Variants in KRT80 observed in about 807,000 individuals in gnomAD.
The protein encoded by KRT80 is keratin, type II cytoskeletal 80.
In KRT80, 36 loss-of-function variants were observed where a neutral mutation model predicts 51.5. The ratio of observed to expected loss-of-function variants is 0.70; its 90% CI spans 0.54 to 0.92. The LOEUF is 0.92. Among genes scored for constraint, KRT80 ranks in the 40% least tolerant of loss-of-function variants. KRT80 has a pLI of 0.00. For synonymous variants in KRT80, 235 were observed against 248.3 expected, an observed-to-expected ratio of 0.95 and a Z score of 0.50; for missense variants, 566 against 591.7, an observed-to-expected ratio of 0.96 and a Z score of 0.45.
intron 4 of KRT80, among the ~76,000 whole-genome samples, 158 bp from the exon 5 acceptor site, chr12:52,173,922 C>T (rs897290566): frequency 2.6e-5 from 4 of 152,348 alleles, no homozygotes; most frequent in Non-Finnish European, 4.4e-5. Context: ...CTCCCTGCCA[C>T]GTCTCCCCAG....
intron 4 of KRT80, among the ~76,000 whole-genome samples, chr12:52,178,025 G>A (rs541682025): frequency 3.3e-5 from 5 of 152,086 alleles, no homozygotes; most frequent in Admixed American, 1.3e-4. Context: ...TCTATCAGAC[G>A]GCACTGACTT....
Position 52,185,233 on chromosome 12 carries a change from A to C in KRT80, c.509+146T>G. ...CTCAGTATTTAGAATACTGCCTGGC[A>C]CATACCAGTCCCTCAATAAATGTCT... On this transcript the variant is annotated intron_variant, in intron 2 of 8. Transcript: ENST00000394815. 1.0e-5 allele frequency: 8 copies of C among 793,868 alleles called. No individual in the cohort carries two copies. In the South Asian group the frequency reaches 1.4e-4, roughly 14 times the overall value. The allele number at this position is 793,868 out of a possible 1,614,324, so 49.2% of individuals were successfully genotyped here. A position where few individuals can be genotyped will look rare whatever the true frequency, so the allele number is the denominator to read the frequency against.
chr12:52,172,159 C>T, intron 7 of KRT80, 39 bp downstream of exon 7: 1 of 1,606,428 alleles, frequency 6.2e-7, no homozygotes. Flanking sequence ...TCCAGCCCTC[C>T]TTCCCCTGCA....
At chr12:52,190,623 C>T (rs902631988) in intron 1 of KRT80, among the ~76,000 whole-genome samples, 1 of 152,200 alleles carries the variant, frequency 6.6e-6, no homozygotes, top group East Asian at 1.9e-4. Flanking sequence ...GTACAGTTTT[C>T]CTTATCTGTG....
chr12:52,176,462 C>T (rs1334800261), intron 4 of KRT80, among the ~76,000 whole-genome samples: 1 of 151,468 alleles, frequency 6.6e-6, no homozygotes, highest in African/African-American at 2.4e-5. Flanking sequence ...CACTGAATGC[C>T]ATCACTTCTT....
chr12:52,190,202 T>G (rs747844078), intron 1 of KRT80, among the ~76,000 whole-genome samples: 8 of 152,110 alleles, frequency 5.3e-5, no homozygotes, highest in Non-Finnish European at 1.0e-4. Context: ...TCTAGGCACA[T>G]GAATGGAAGA....
At position 52,191,825 on chromosome 12, in the gene KRT80, AGGCCGGG is replaced by A. The variant is rs749338122; in HGVS notation, c.71_77del (p.Pro24LeufsTer33). ...TGCAGCTGTCCCATCCTGAGGTTCC[AGGCCGGG>A]GGCTGCCCACCGGGGTCACCTCACA... On this transcript the variant is annotated frameshift_variant, in exon 1 of 9. Transcript: ENST00000394815. LOFTEE classifies it high-confidence loss of function. The A allele has an allele frequency of 1.9e-6, 3 of 1,593,406 alleles. No homozygotes were observed. In the African/African-American group the frequency reaches 4.0e-5, roughly 21 times the overall value.
chr12:52,180,085 G>T (rs1407588649), intron 4 of KRT80, among the ~76,000 whole-genome samples: 2 of 152,200 alleles, frequency 1.3e-5, no homozygotes, highest in Non-Finnish European at 2.9e-5. Flanking sequence ...GGAAAGGCAG[G>T]CCTATCAGAA....
rs1941164830 is a variant in KRT80 at position 52,173,737 on chromosome 12, T to C, written c.694A>G (p.Lys232Glu). The change falls in exon 5 of 9, where the codon AAG (lysine) becomes GAG (glutamate). Residue 232 changes from lysine (K) to glutamate (E), a missense_variant. By Grantham distance (56) the Lys-to-Glu change is moderately conservative. Transcript: ENST00000394815. Reference protein sequence around the residue: ...QELKDLAAQVKDVSVTVGMDS... With the variant: ...QELKDLAAQVEDVSVTVGMDS... ...ATGCCGACGGTCACCGACACATCCT[T>C]CACCTGTGCTGCCAGGTCCTTCAGC... 1 of 1,611,898 alleles carries C rather than the reference T, an allele frequency of 6.2e-7. No individual in the cohort carries two copies. The highest frequency in any genetic ancestry group is 1.3e-5 in the African/African-American group (1 of 75,050).
At chr12:52,190,166 C>G (rs1407652213) in intron 1 of KRT80, among the ~76,000 whole-genome samples, 2 of 152,248 alleles carry the variant, frequency 1.3e-5, no homozygotes, top group Admixed American at 1.3e-4. Flanking sequence ...CCAGGGGTAC[C>G]CCAGGTGTGG....
rs983672711 is a variant in KRT80 at position 52,170,555 on chromosome 12, T to G, written c.*843A>C. Reference sequence around the variant, plus strand: ...GCACAGAGCTCAGATCCAGGCTGGGTAGGACCCCAGCATGGCAGGGAGGTG... The same window carrying G: ...GCACAGAGCTCAGATCCAGGCTGGGGAGGACCCCAGCATGGCAGGGAGGTG... On this transcript the variant is annotated 3_prime_UTR_variant, in exon 9 of 9. Coordinates refer to ENST00000394815, the MANE Select transcript of KRT80 (RefSeq NM_182507.3). The G allele has an allele frequency of 6.6e-6, 1 of 152,038 alleles. No individual in the cohort carries two copies. The highest frequency in any genetic ancestry group is 1.5e-5 in the Non-Finnish European group (1 of 68,010). 9.4% of individuals were successfully genotyped at this position (152,038 alleles called of 1,614,324 possible).
intron 4 of KRT80, among the ~76,000 whole-genome samples, chr12:52,174,665 A>G (rs1311287655): frequency 1.3e-5 from 2 of 152,226 alleles, no homozygotes; most frequent in African/African-American, 4.8e-5. Flanking sequence ...TGTTGTGGAG[A>G]CAGCGGTGAG....
chr12:52,172,563 G>A, intron 6 of KRT80, 145 bp from the exon 7 acceptor site: 1 of 722,158 alleles, frequency 1.4e-6, no homozygotes, highest in Non-Finnish European at 2.2e-6. Context: ...GTAACTGGTT[G>A]CCATGCAGCA....
At chr12:52,180,719 T>A (rs1941304750) in intron 3 of KRT80, 111 bp from the exon 4 acceptor site, 1 of 1,603,016 alleles carries the variant, frequency 6.2e-7, no homozygotes, top group South Asian at 1.1e-5. Flanking sequence ...CCAGAGGAGA[T>A]CTGGCTCAGA....
At position 52,191,772 on chromosome 12, in the gene KRT80, CGG is replaced by C; in HGVS notation, c.129_130del (p.Arg44GlnfsTer48). 1 of 1,612,358 alleles carries C rather than the reference CGG, an allele frequency of 6.2e-7. No individual in the cohort carries two copies. Among genetic ancestry groups the C allele is most frequent in the Non-Finnish European group, 8.5e-7 (1 of 1,179,400 alleles). On this transcript the variant is annotated frameshift_variant, in exon 1 of 9. Coordinates refer to ENST00000394815, the MANE Select transcript of KRT80 (RefSeq NM_182507.3). LOFTEE classifies it high-confidence loss of function. ...AGCCGACCAGCAGCCTGTGAGGCTG[CGG>C]GAGCTGAAGCCCGGCCCGGGGGCCC...
In KRT80 at chr12:52,191,868, C is replaced by T. The variant is rs1192655254; in HGVS notation, c.35G>A (p.Ser12Asn). The T allele has an allele frequency of 4.0e-6, 6 of 1,518,804 alleles. 1 individual carries two copies. The highest frequency in any genetic ancestry group is 3.5e-6 in the Non-Finnish European group (4 of 1,129,296). The allele number at this position is 1,518,804 out of a possible 1,614,324, so 94.1% of individuals were successfully genotyped here. A position where few individuals can be genotyped will look rare whatever the true frequency, so the allele number is the denominator to read the frequency against. The change falls in exon 1 of 9, where the codon AGC (serine) becomes AAC (asparagine). Residue 12 changes from serine (S) to asparagine (N), a missense_variant. Ser to Asn is a conservative substitution (Grantham distance 46, BLOSUM62 1). Transcript: ENST00000394815. The stretch of plus-strand genomic sequence containing the variant: ...CGGGGTCACCTCACAGCTGCTGAGG[C>T]TGCTGAAGCCAACCACGCAGGAGCG... ...ACRSCVVGFS[S>N]LSSCEVTPVG... is the part of the protein sequence containing the mutation.
chr12:52,173,948 G>A (rs1941170449), intron 4 of KRT80, among the ~76,000 whole-genome samples, 184 bp from the exon 5 acceptor site: 1 of 152,238 alleles, frequency 6.6e-6, no homozygotes, highest in South Asian at 2.1e-4. Context: ...ACTCTCGGAA[G>A]GCAGCTCACT....
chr12:52,189,110 T>G (rs1259861142), intron 1 of KRT80, among the ~76,000 whole-genome samples: 2 of 152,124 alleles, frequency 1.3e-5, no homozygotes, highest in Non-Finnish European at 2.9e-5. Flanking sequence ...TCCTGAGTGC[T>G]CCCAGGTTCC....
chr12:52,181,956 C>T lies in KRT80; in HGVS notation c.510-993G>A, dbSNP rs78997524. 7.8e-3 allele frequency among the ~76,000 whole-genome samples: 1,195 copies of T among 152,360 alleles called. 57 individuals carry two copies. In the East Asian group the frequency reaches 0.14, roughly 18 times the overall value. The stretch of plus-strand genomic sequence containing the variant: ...CCGCCTGCCTACCTCAGGCCCTAGC[C>T]TCCCAGCAGGGCTGCGTCACTCATC... On this transcript the variant is annotated intron_variant, in intron 2 of 8. Transcript: ENST00000394815.
Sources: allele counts gnomAD v4.1 joint callset (sites outside exome capture counted in the v4.1 genomes callset), GRCh38; gene constraint gnomAD v4.1.1; transcripts MANE v1.5; gene names NCBI Gene and HGNC (gene_info 2026-07-23, HGNC 2026-07-21).